Variants in DYSF observed in about 807,000 individuals in gnomAD.
DYSF encodes dysferlin.
A neutral mutation model predicts 274.9 loss-of-function variants in DYSF; 212 were observed. The observed-to-expected ratio is 0.77, with a 90% CI of 0.69 to 0.86. The LOEUF (loss-of-function observed/expected upper bound fraction) is 0.86, where lower values mean the gene tolerates loss of function less well. Among genes scored for constraint, DYSF ranks in the 40% least tolerant of loss-of-function variants. The pLI is 0.00. For synonymous variants in DYSF, 1,091 were observed against 1,078.7 expected (o/e 1.01, Z -0.22); for missense variants, 2,666 against 2,783.2 (o/e 0.96, Z 0.95).
intron 40 of DYSF, among the ~76,000 whole-genome samples, chr2:71,616,469 T>G: frequency 7.7e-6 from 1 of 129,604 alleles, no homozygotes. Context: ...TGTGTGCACA[T>G]GAGTGAGCAT....
intron 43 of DYSF, among the ~76,000 whole-genome samples, chr2:71,657,294 C>G (rs1188116354): frequency 2.6e-5 from 4 of 152,218 alleles, no homozygotes; most frequent in African/African-American, 9.7e-5. Context: ...AGGTAGGTTC[C>G]CATGGTCTTG....
chr2:71,532,844 C>T (rs142592236), intron 14 of DYSF, among the ~76,000 whole-genome samples: 1 of 143,480 alleles, frequency 7.0e-6, no homozygotes, highest in East Asian at 2.0e-4. Context: ...ATCTATCTAT[C>T]TATCTATCTA....
intron 4 of DYSF, among the ~76,000 whole-genome samples, chr2:71,511,600 G>T (rs2086099872): frequency 6.6e-6 from 1 of 152,210 alleles, no homozygotes; most frequent in Non-Finnish European, 1.5e-5. Flanking sequence ...CTCCTGAGTG[G>T]TGGAACCTGA....
Position 71,677,585 on chromosome 2 carries a change from T to C in DYSF, c.5885-1472T>C, listed in dbSNP as rs148728222. ...TAAAACAATAAAAAAAGATGGCTGC[T>C]TGGATAACTAGGTGGTAGATGAAAA... On this transcript the variant is annotated intron_variant, in intron 52 of 55. Transcript: ENST00000410020. Among the ~76,000 whole-genome samples the C allele has an allele frequency of 5.7e-3, 865 of 152,278 alleles. 6 individuals carry two copies. The highest frequency in any genetic ancestry group is 9.5e-3 in the Non-Finnish European group (647 of 68,020).
At chr2:71,590,538 C>T (rs183813403) in intron 32 of DYSF, among the ~76,000 whole-genome samples, 138 of 152,246 alleles carry the variant, frequency 9.1e-4, no homozygotes, top group African/African-American at 3.2e-3. Flanking sequence ...TGGCTCTAGC[C>T]GCCAGTCTCT....
rs2094193263 is a variant in DYSF at position 71,625,520 on chromosome 2, T to C, written c.4527+4911T>C. On this transcript the variant is annotated intron_variant, in intron 41 of 55. Transcript: ENST00000410020. ...TTTGTGGGCTCTCTATTCTGTTCCA[T>C]TGGTCTGTTTGTCTTTCTCTGGGCT... 5.9e-5 allele frequency among the ~76,000 whole-genome samples: 9 copies of C among 152,142 alleles called. 1 individual carries two copies. The highest frequency in any genetic ancestry group is 5.2e-4 in the Admixed American group (8 of 15,282).
intron 42 of DYSF, 36 bp downstream of exon 42, chr2:71,644,099 T>TGTGC (rs1201410571): frequency 6.5e-7 from 1 of 1,541,220 alleles, no homozygotes; most frequent in African/African-American, 1.4e-5. Flanking sequence ...TCGGTGTGTG[T>TGTGC]GTGCGTACTG....
chr2:71,469,320 T>C (rs1233621915), intron 1 of DYSF, among the ~76,000 whole-genome samples: 1 of 152,160 alleles, frequency 6.6e-6, no homozygotes, highest in Non-Finnish European at 1.5e-5. Context: ...GTCAACATTG[T>C]GTGTGGGAGC....
At chr2:71,474,025 C>A (rs1020348527) in intron 1 of DYSF, among the ~76,000 whole-genome samples, 1 of 146,686 alleles carries the variant, frequency 6.8e-6, no homozygotes, top group Non-Finnish European at 1.5e-5. Context: ...CTCCCGGGTT[C>A]GAGTGATTCT....
intron 40 of DYSF, among the ~76,000 whole-genome samples, chr2:71,617,829 G>C (rs1272703088): frequency 1.6e-5 from 2 of 126,646 alleles, no homozygotes; most frequent in Admixed American, 8.1e-5. Flanking sequence ...GTAGAGGTGG[G>C]GTATAAGTGT....
intron 32 of DYSF, among the ~76,000 whole-genome samples, chr2:71,593,848 C>G (rs2093339317): frequency 6.6e-6 from 1 of 152,164 alleles, no homozygotes; most frequent in Non-Finnish European, 1.5e-5. Flanking sequence ...TTAGGAGGGG[C>G]CCAGAAATCC....
intron 16 of DYSF, among the ~76,000 whole-genome samples, chr2:71,536,352 A>C (rs2089334836): frequency 6.6e-6 from 1 of 152,214 alleles, no homozygotes; most frequent in Non-Finnish European, 1.5e-5. Flanking sequence ...TAAAGAAAAC[A>C]GCTTGTGAGA....
At chr2:71,676,839 T>C (rs1447140936) in intron 52 of DYSF, among the ~76,000 whole-genome samples, 4 of 152,182 alleles carry the variant, frequency 2.6e-5, no homozygotes, top group Non-Finnish European at 2.9e-5. Context: ...ATTTTAAAGG[T>C]AATGGTTAAG....
At chr2:71,658,318 G>A (rs536094542) in intron 43 of DYSF, among the ~76,000 whole-genome samples, 1 of 152,182 alleles carries the variant, frequency 6.6e-6, no homozygotes, top group Non-Finnish European at 1.5e-5. Flanking sequence ...TTTGGGCAAA[G>A]CCATTAAACA....
intron 30 of DYSF, among the ~76,000 whole-genome samples, chr2:71,574,866 T>C (rs887690913): frequency 6.6e-6 from 1 of 152,104 alleles, no homozygotes; most frequent in African/African-American, 2.4e-5. Flanking sequence ...AGGGTGCGCT[T>C]TCTGTAGCCA....
chr2:71,643,318 TTTGTG>T (rs2094516383), intron 41 of DYSF, among the ~76,000 whole-genome samples: 1 of 152,122 alleles, frequency 6.6e-6, no homozygotes, highest in South Asian at 2.1e-4. Flanking sequence ...ACACAGAAAA[TTTGTG>T]CTGTCACATA....
intron 22 of DYSF, among the ~76,000 whole-genome samples, chr2:71,559,304 C>T (rs957278632): frequency 2.0e-5 from 3 of 152,218 alleles, no homozygotes; most frequent in Non-Finnish European, 2.9e-5. Flanking sequence ...CCAGAATCCA[C>T]GCTGGAAACC....
At chr2:71,598,960 A>G (rs2093474759) in intron 33 of DYSF, among the ~76,000 whole-genome samples, 1 of 152,206 alleles carries the variant, frequency 6.6e-6, no homozygotes, top group Non-Finnish European at 1.5e-5. Flanking sequence ...AAGGGAACAT[A>G]TCCGGAAAAG....
intron 1 of DYSF, among the ~76,000 whole-genome samples, chr2:71,478,604 T>A (rs2082609567): frequency 6.6e-6 from 1 of 152,142 alleles, no homozygotes; most frequent in Non-Finnish European, 1.5e-5. Context: ...TGTTTTATAG[T>A]GGCCTGTGAT....
Sources: gnomAD v4.1 joint callset for allele counts (sites outside exome capture counted in the v4.1 genomes callset) on GRCh38, gnomAD v4.1.1 for gene constraint, MANE v1.5 for transcripts, NCBI Gene and HGNC (gene_info 2026-07-23, HGNC 2026-07-21) for gene names.